Variants in ASAP2 observed in about 807,000 individuals in gnomAD.
The protein encoded by ASAP2 is ArfGAP with SH3 domain, ankyrin repeat and PH domain 2, also known as arf-GAP with SH3 domain, ANK repeat and PH domain-containing protein 2.
In ASAP2, 45 loss-of-function variants were observed where a neutral mutation model predicts 131.4. The ratio of observed to expected loss-of-function variants is 0.34; its 90% CI spans 0.27 to 0.44. The LOEUF (loss-of-function observed/expected upper bound fraction) is 0.44. Ranked by LOEUF, ASAP2 falls within the 20% of genes least tolerant of loss-of-function variation. The probability of loss-of-function intolerance (pLI) is 1.00; values close to 1 mark genes in which losing one functional copy is unlikely to be tolerated. For missense variants in ASAP2, 1,011 were observed against 1,297.0 expected (o/e 0.78, Z 3.39); for synonymous variants, 510 against 503.0 (o/e 1.01, Z -0.19).
Position 9,207,769 on chromosome 2 carries a change from C to G in ASAP2, c.126+539C>G, listed in dbSNP as rs1661231426. ...GCCAGGGCGGCCTGGCTGCGCTCCA[C>G]CCGTGCCCGGAGAAGGAACTGCGGG... On this transcript the variant is annotated intron_variant, in intron 1 of 27. Transcript: ENST00000281419. This position sits in a 1 kb window ranked among gnomAD's most constrained non-coding sequence, Gnocchi z 4.1. Among the ~76,000 whole-genome samples the G allele has an allele frequency of 6.6e-6, 1 of 152,114 alleles. No homozygotes were observed. The highest frequency in any genetic ancestry group is 1.5e-5 in the Non-Finnish European group (1 of 68,008).
intron 1 of ASAP2, among the ~76,000 whole-genome samples, chr2:9,210,235 C>T (rs1225668505): frequency 6.6e-6 from 1 of 152,196 alleles, no homozygotes; most frequent in Non-Finnish European, 1.5e-5. Flanking sequence ...TCAGATTGAC[C>T]TGGGTTCAAG....
In ASAP2 at chr2:9,206,999, G is replaced by GAGCGGCGGCGGC. The variant is rs1202292676; in HGVS notation, c.-97_-86dup. The GAGCGGCGGCGGC allele has an allele frequency of 5.5e-5, 57 of 1,036,056 alleles. 1 individual carries two copies. The Middle Eastern group carries it at 2.1e-3, about 37-fold the overall frequency. The allele number at this position is 1,036,056 out of a possible 1,614,324, so 64.2% of individuals were successfully genotyped here. On this transcript the variant is annotated 5_prime_UTR_variant, in exon 1 of 28. Transcript: ENST00000281419. This position sits in a 1 kb window ranked among gnomAD's most constrained non-coding sequence, Gnocchi z 4.0. ...GGCGCTCCCCTTTGTCCGCGGGCCG[G>GAGCGGCGGCGGC]AGCGGCGGCGGCAGCGGCGGTGTCC...
At chr2:9,212,904 G>A (rs533866216) in intron 1 of ASAP2, among the ~76,000 whole-genome samples, 26 of 152,342 alleles carry the variant, frequency 1.7e-4, no homozygotes, top group African/African-American at 4.6e-4. Context: ...TGTTCGAGAC[G>A]GAACCCCGGC....
At chr2:9,373,575 G>T (rs978476670) in intron 16 of ASAP2, among the ~76,000 whole-genome samples, 3 of 152,358 alleles carry the variant, frequency 2.0e-5, no homozygotes, top group South Asian at 2.1e-4. Context: ...TGGGGGGCCA[G>T]TTGTTCCACG....
chr2:9,397,702 T>C (rs1676251371), intron 24 of ASAP2, among the ~76,000 whole-genome samples: 1 of 143,590 alleles, frequency 7.0e-6, no homozygotes, highest in Admixed American at 6.9e-5. Flanking sequence ...ATATTTGTAA[T>C]TGGTTGGGAA....
intron 2 of ASAP2, among the ~76,000 whole-genome samples, chr2:9,294,208 A>C (rs964491450): frequency 6.6e-6 from 1 of 152,058 alleles, no homozygotes; most frequent in African/African-American, 2.4e-5. Context: ...CATGTTGGCC[A>C]GGCTGGTCTC....
intron 11 of ASAP2, among the ~76,000 whole-genome samples, chr2:9,345,025 TTTTTA>T (rs1671875266): frequency 6.6e-6 from 1 of 151,926 alleles, no homozygotes; most frequent in African/African-American, 2.4e-5. Context: ...TAATTTTTAT[TTTTTA>T]TTTTAGCCAG....
chr2:9,400,648 C>A, intron 25 of ASAP2, 94 bp from the exon 26 acceptor site: 1 of 1,189,936 alleles, frequency 8.4e-7, no homozygotes. Context: ...CTGGGGAAAC[C>A]TGCTTTCAGA....
At chr2:9,319,838 G>A (rs1670040488) in intron 4 of ASAP2, among the ~76,000 whole-genome samples, 1 of 152,212 alleles carries the variant, frequency 6.6e-6, no homozygotes. Context: ...AGGAGGATGT[G>A]GCGGCCTTTC....
intron 7 of ASAP2, among the ~76,000 whole-genome samples, chr2:9,331,459 A>G (rs558085571): frequency 1.3e-5 from 2 of 152,322 alleles, no homozygotes; most frequent in African/African-American, 4.8e-5. Context: ...GCATTATAAC[A>G]TTATAAAATA....
chr2:9,357,609 G>A (rs529523151), intron 14 of ASAP2, among the ~76,000 whole-genome samples: 4 of 152,252 alleles, frequency 2.6e-5, no homozygotes, highest in South Asian at 4.1e-4. Flanking sequence ...CATACGCTTT[G>A]ATAAAGAACT....
intron 7 of ASAP2, among the ~76,000 whole-genome samples, chr2:9,331,814 T>C (rs767464117): frequency 1.3e-5 from 2 of 151,926 alleles, no homozygotes; most frequent in Non-Finnish European, 2.9e-5. Flanking sequence ...GAATGTTGAA[T>C]TGACTTGTTC....
chr2:9,288,176 A>G (rs1667585867), intron 2 of ASAP2, among the ~76,000 whole-genome samples: 1 of 151,982 alleles, frequency 6.6e-6, no homozygotes, highest in African/African-American at 2.4e-5. Context: ...ACCCCCATAA[A>G]CCTGTCCGCA....
intron 7 of ASAP2, among the ~76,000 whole-genome samples, chr2:9,332,598 G>C (rs1356360622): frequency 6.6e-6 from 1 of 152,164 alleles, no homozygotes; most frequent in East Asian, 1.9e-4. Context: ...TCATGCTCAC[G>C]CGCTCTCACT....
At chr2:9,360,951 T>A (rs1269808888) in intron 15 of ASAP2, among the ~76,000 whole-genome samples, 1 of 152,166 alleles carries the variant, frequency 6.6e-6, no homozygotes, top group Non-Finnish European at 1.5e-5. Flanking sequence ...TCTCAGAAAT[T>A]TCATGTTCTT....
intron 2 of ASAP2, among the ~76,000 whole-genome samples, chr2:9,294,420 C>G (rs1668026438): frequency 6.6e-6 from 1 of 152,136 alleles, no homozygotes; most frequent in African/African-American, 2.4e-5. Flanking sequence ...AGTCTACTAT[C>G]AGTGAGAAGG....
chr2:9,219,942 A>G (rs1423736443), intron 1 of ASAP2, among the ~76,000 whole-genome samples: 1 of 152,266 alleles, frequency 6.6e-6, no homozygotes, highest in African/African-American at 2.4e-5. Flanking sequence ...GTTGTTTCAT[A>G]TATGGAATCA....
At chr2:9,307,685 A>G (rs572283424) in intron 3 of ASAP2, among the ~76,000 whole-genome samples, 2 of 152,318 alleles carry the variant, frequency 1.3e-5, no homozygotes, top group South Asian at 4.1e-4. Flanking sequence ...AGAGCTGTTG[A>G]CTGCCAGAGA....
intron 16 of ASAP2, among the ~76,000 whole-genome samples, chr2:9,370,660 A>G (rs560580742): frequency 6.6e-6 from 1 of 152,270 alleles, no homozygotes; most frequent in East Asian, 1.9e-4. Flanking sequence ...GGGGTCAGAC[A>G]TGTGGTGCTT....
Sources: gnomAD v4.1 joint callset for allele counts (sites outside exome capture counted in the v4.1 genomes callset) on GRCh38, gnomAD v4.1.1 for gene constraint, Gnocchi (gnomAD v3.1) non-coding constraint, MANE v1.5 for transcripts, NCBI Gene and HGNC (gene_info 2026-07-23, HGNC 2026-07-21) for gene names.